Variants in COL4A3 observed in about 807,000 individuals in gnomAD.
The protein encoded by COL4A3 is collagen type IV alpha 3 chain.
In COL4A3, 135 loss-of-function variants were observed where a neutral mutation model predicts 217.4. That is an observed-to-expected ratio of 0.62 (90% CI 0.54 to 0.72). COL4A3 has a LOEUF of 0.72. Ranked by LOEUF, COL4A3 falls within the 30% of genes least tolerant of loss-of-function variation. The probability of loss-of-function intolerance (pLI) is 0.00; values close to 1 mark genes in which losing one functional copy is unlikely to be tolerated. For missense variants in COL4A3, 1,868 were observed against 2,119.9 expected, an observed-to-expected ratio of 0.88 and a Z score of 2.33; for synonymous variants, 690 against 736.3, an observed-to-expected ratio of 0.94 and a Z score of 1.02.
intron 8 of COL4A3, 141 bp downstream of exon 8, chr2:227,247,725 G>A (rs1446030021): frequency 6.7e-6 from 6 of 900,806 alleles, no homozygotes; most frequent in African/African-American, 6.6e-5. Flanking sequence ...ATAATAATCG[G>A]GACATGATAT....
chr2:227,226,056 T>C (rs1477876842), intron 1 of COL4A3, among the ~76,000 whole-genome samples: 1 of 152,186 alleles, frequency 6.6e-6, no homozygotes, highest in Non-Finnish European at 1.5e-5. Flanking sequence ...CTTTATGGTA[T>C]CTTAATTTTT....
intron 1 of COL4A3, among the ~76,000 whole-genome samples, chr2:227,177,109 A>G (rs930079625): frequency 2.6e-5 from 4 of 151,026 alleles, no homozygotes; most frequent in Non-Finnish European, 5.9e-5. Flanking sequence ...TCCTAACAAC[A>G]GACTGGTGAA....
chr2:227,209,775 G>A (rs1447919930), intron 1 of COL4A3, among the ~76,000 whole-genome samples: 2 of 152,222 alleles, frequency 1.3e-5, no homozygotes, highest in Non-Finnish European at 2.9e-5. Flanking sequence ...CTGGGAGGCG[G>A]AGGTTGCAGT....
intron 1 of COL4A3, among the ~76,000 whole-genome samples, chr2:227,168,537 CTT>C (rs2065358683): frequency 6.6e-6 from 1 of 152,128 alleles, no homozygotes; most frequent in Non-Finnish European, 1.5e-5. Flanking sequence ...GGATACAAAA[CTT>C]TTGTCATTAA....
At chr2:227,260,415 C>T (rs1372776654) in intron 19 of COL4A3, among the ~76,000 whole-genome samples, 3 of 152,144 alleles carry the variant, frequency 2.0e-5, no homozygotes, top group Admixed American at 1.3e-4. Context: ...TCGTCAAGGT[C>T]CCACCCTGTG....
intron 42 of COL4A3, 24 bp downstream of exon 42, chr2:227,297,883 C>A: frequency 6.4e-7 from 1 of 1,551,022 alleles, no homozygotes; most frequent in African/African-American, 1.4e-5. Flanking sequence ...TTTTAAACAG[C>A]ATAAAATAAC....
intron 1 of COL4A3, among the ~76,000 whole-genome samples, chr2:227,194,258 G>A (rs2066384048): frequency 6.6e-6 from 1 of 152,198 alleles, no homozygotes. Context: ...TTACAAAGGT[G>A]AGGTTCAGGT....
At chr2:227,199,568 G>A (rs2066607237) in intron 1 of COL4A3, among the ~76,000 whole-genome samples, 1 of 152,148 alleles carries the variant, frequency 6.6e-6, no homozygotes. Context: ...GTCCCTGAAA[G>A]TCTTCAGCTT....
chr2:227,257,745 G>C, intron 18 of COL4A3, 101 bp downstream of exon 18: 1 of 1,057,336 alleles, frequency 9.5e-7, no homozygotes, highest in Non-Finnish European at 1.5e-6. Context: ...GTGTGAGAGA[G>C]ATTATAACAT....
At chr2:227,184,193 T>C (rs903635339) in intron 1 of COL4A3, among the ~76,000 whole-genome samples, 4 of 152,130 alleles carry the variant, frequency 2.6e-5, no homozygotes, top group Non-Finnish European at 5.9e-5. Context: ...AGGAGAGAAG[T>C]ACCCTCAGGA....
At chr2:227,218,642 C>T (rs1424023504) in intron 1 of COL4A3, among the ~76,000 whole-genome samples, 1 of 152,050 alleles carries the variant, frequency 6.6e-6, no homozygotes, top group African/African-American at 2.4e-5. Context: ...TCTGTTGATC[C>T]AACTTGAACA....
intron 1 of COL4A3, among the ~76,000 whole-genome samples, chr2:227,209,221 G>A (rs13395069): frequency 0.076 from 11,592 of 152,256 alleles, 650 homozygotes; most frequent in African/African-American, 0.15. Flanking sequence ...GATTCCCTAA[G>A]AGTATGTGGC....
chr2:227,191,039 T>C lies in COL4A3; in HGVS notation c.87+26226T>C, dbSNP rs1254947443. ...ATTATGTATAGAATTTTTTAAAAAA[T>C]AGATGCAAAGGTTATTATATATGAA... On this transcript the variant is annotated intron_variant, in intron 1 of 51. Coordinates refer to ENST00000396578, the MANE Select transcript of COL4A3 (RefSeq NM_000091.5). This position sits in a 1 kb window ranked among gnomAD's most constrained non-coding sequence, Gnocchi z 6.8. Among the ~76,000 whole-genome samples, 1 of 152,154 alleles carries C rather than the reference T, an allele frequency of 6.6e-6. No individual in the cohort carries two copies. The highest frequency in any genetic ancestry group is 1.5e-5 in the Non-Finnish European group (1 of 68,030).
chr2:227,271,516 A>C (rs1242680690), intron 25 of COL4A3, among the ~76,000 whole-genome samples: 1 of 124,170 alleles, frequency 8.1e-6, no homozygotes, highest in African/African-American at 3.1e-5. Context: ...CTTGTTGCCC[A>C]GGCTGGAGTG....
chr2:227,295,405 C>A, intron 41 of COL4A3, 89 bp downstream of exon 41: 1 of 1,145,422 alleles, frequency 8.7e-7, no homozygotes, highest in Non-Finnish European at 1.3e-6. Flanking sequence ...TAAGCTTAAC[C>A]TAGTGAATTA....
Position 227,248,581 on chromosome 2 carries a change from C to T in COL4A3, c.546+61C>T, listed in dbSNP as rs574806759. The T allele has an allele frequency of 2.1e-3, 2,366 of 1,117,796 alleles. 10 individuals carry two copies. Among genetic ancestry groups the T allele is most frequent in the South Asian group, 3.4e-3 (276 of 80,724 alleles). 69.2% of individuals were successfully genotyped at this position (1,117,796 alleles called of 1,614,324 possible). A position where few individuals can be genotyped will look rare whatever the true frequency, so the allele number is the denominator to read the frequency against. The stretch of plus-strand genomic sequence containing the variant: ...GTTTTTCACTCTCTCTCTCTCTTTT[C>T]GCCTCTCTTTACTTCGTCTCTCTTT... On this transcript the variant is annotated intron_variant, in intron 9 of 51. Coordinates refer to ENST00000396578, the MANE Select transcript of COL4A3 (RefSeq NM_000091.5).
chr2:227,303,158 A>G, intron 44 of COL4A3, 48 bp downstream of exon 44: 2 of 1,508,478 alleles, frequency 1.3e-6, no homozygotes, highest in Non-Finnish European at 1.8e-6. Context: ...CATAACCTCA[A>G]TTCATATTTT....
intron 31 of COL4A3, chr2:227,281,609 T>G (rs1249989353): frequency 3.2e-5 from 5 of 154,458 alleles, no homozygotes; most frequent in African/African-American, 1.2e-4. Context: ...CTGTGGTCTA[T>G]CATACTGCTT....
chr2:227,281,107 C>T (rs1230720265), intron 31 of COL4A3, 101 bp downstream of exon 31: 5 of 777,270 alleles, frequency 6.4e-6, no homozygotes, highest in African/African-American at 3.4e-5. Flanking sequence ...AGCCACAAGT[C>T]CTGACCACTG....
Sources: gnomAD v4.1 joint callset for allele counts (sites outside exome capture counted in the v4.1 genomes callset) on GRCh38, gnomAD v4.1.1 for gene constraint, Gnocchi (gnomAD v3.1) non-coding constraint, MANE v1.5 for transcripts, NCBI Gene and HGNC (gene_info 2026-07-23, HGNC 2026-07-21) for gene names.